CFAP54: variants seen among roughly 807,000 people sequenced by gnomAD.
The protein encoded by CFAP54 is cilia- and flagella-associated protein 54.
In CFAP54, 290 loss-of-function variants were observed where a neutral mutation model predicts 370.4. The ratio of observed to expected loss-of-function variants is 0.78; its 90% CI spans 0.71 to 0.86. The LOEUF (loss-of-function observed/expected upper bound fraction) is 0.86. CFAP54 is among the 40% of genes least tolerant of loss of function. The probability of loss-of-function intolerance (pLI) is 0.00; values close to 1 mark genes in which losing one functional copy is unlikely to be tolerated. For synonymous variants in CFAP54, 1,206 were observed against 1,236.5 expected (o/e 0.98, Z 0.52); for missense variants, 3,399 against 3,528.7 (o/e 0.96, Z 0.93).
At chr12:96,591,663 G>A (rs376850514) in intron 23 of CFAP54, among the ~76,000 whole-genome samples, 128 of 152,238 alleles carry the variant, frequency 8.4e-4, no homozygotes, top group African/African-American at 3.0e-3. Context: ...GCCGAGACGG[G>A]CGGATCACGA....
chr12:96,834,986 G>A (rs187973578), intron 66 of CFAP54, among the ~76,000 whole-genome samples: 4 of 152,250 alleles, frequency 2.6e-5, no homozygotes, highest in East Asian at 1.9e-4. Context: ...CTAGCAGAGA[G>A]GAGACCCTGG....
chr12:96,770,339 G>C (rs1592752016), intron 60 of CFAP54, among the ~76,000 whole-genome samples: 1 of 152,118 alleles, frequency 6.6e-6, no homozygotes, highest in Non-Finnish European at 1.5e-5. Flanking sequence ...TCCACTCAGA[G>C]ATTCATACAC....
chr12:96,681,595 T>C (rs934513951), intron 40 of CFAP54, among the ~76,000 whole-genome samples: 1 of 151,852 alleles, frequency 6.6e-6, no homozygotes, highest in African/African-American at 2.4e-5. Context: ...GGATGGAGTC[T>C]TGCTGTCTTG....
chr12:96,505,047 C>T (rs1955081686), intron 3 of CFAP54, among the ~76,000 whole-genome samples: 1 of 126,956 alleles, frequency 7.9e-6, no homozygotes, highest in African/African-American at 3.0e-5. Flanking sequence ...TCTTTTCTTC[C>T]TTTCTTCCTT....
In CFAP54 at chr12:96,720,516, C is replaced by A; in HGVS notation, c.6916C>A (p.Arg2306=). 1.3e-6 allele frequency: 2 copies of A among 1,591,882 alleles called. No individual in the cohort carries two copies. The highest frequency in any genetic ancestry group is 1.7e-6 in the Non-Finnish European group (2 of 1,166,846). ...CGAGCTGGAGATTGTGGTGGAGGCC[C>A]GGCTTCAGCTGGCTGCAGTTGCTCT... ...AGELEIVVEA[R]LQLAAVALQR... Residue 2306 remains arginine, a synonymous_variant, in exon 50 of 68, where the codon CGG becomes AGG. Transcript: ENST00000524981.
intron 57 of CFAP54, 118 bp downstream of exon 57, chr12:96,756,681 TCATGGGGTC>T: frequency 1.5e-6 from 1 of 678,664 alleles, no homozygotes; most frequent in South Asian, 1.8e-5. Context: ...CAGGGCTAGT[TCATGGGGTC>T]CATCTCAAGC....
chr12:96,581,920 C>A (rs1956036691), intron 22 of CFAP54, among the ~76,000 whole-genome samples: 1 of 152,068 alleles, frequency 6.6e-6, no homozygotes, highest in African/African-American at 2.4e-5. Flanking sequence ...ACTTTCCAGT[C>A]TTTTGCTATT....
At chr12:96,659,162 T>C (rs1956960560) in intron 38 of CFAP54, among the ~76,000 whole-genome samples, 1 of 152,206 alleles carries the variant, frequency 6.6e-6, no homozygotes, top group Non-Finnish European at 1.5e-5. Context: ...TACCTGGAGA[T>C]AGCATCAGAT....
At chr12:96,495,653 G>T (rs1414464505) in intron 1 of CFAP54, among the ~76,000 whole-genome samples, 3 of 151,776 alleles carry the variant, frequency 2.0e-5, no homozygotes, top group Non-Finnish European at 4.4e-5. Flanking sequence ...TACATATCTA[G>T]CAACAGTCAG....
At chr12:96,563,038 A>G (rs1391852807) in intron 17 of CFAP54, among the ~76,000 whole-genome samples, 1 of 152,210 alleles carries the variant, frequency 6.6e-6, no homozygotes, top group Admixed American at 6.5e-5. Flanking sequence ...TTTTTGTGTC[A>G]GGTTTTAAGA....
Position 96,651,759 on chromosome 12 carries a change from G to A in CFAP54, c.5044G>A (p.Gly1682Arg). The A allele has an allele frequency of 6.2e-7, 1 of 1,613,434 alleles. No homozygotes were observed. The highest frequency in any genetic ancestry group is 8.5e-7 in the Non-Finnish European group (1 of 1,179,456). The change falls in exon 36 of 68, where the codon GGA becomes AGA. Residue 1682 changes from glycine to arginine, a missense_variant. By Grantham distance (125) the Gly-to-Arg change is moderately radical. Coordinates refer to ENST00000524981, the MANE Select transcript of CFAP54 (RefSeq NM_001306084.2). The stretch of plus-strand genomic sequence containing the variant: ...CACCTCTGTTTTACCATTCTATTTG[G>A]GAGCAGAATTACTTATTGACATGTT... ...LCTSVLPFYL[G>R]AELLIDMLIQ...
intron 43 of CFAP54, among the ~76,000 whole-genome samples, chr12:96,690,713 T>C (rs1166820835): frequency 6.6e-6 from 1 of 152,166 alleles, no homozygotes; most frequent in African/African-American, 2.4e-5. Context: ...CTGCCATCGT[T>C]AGCTGTGTGA....
chr12:96,549,077 A>G (rs556299783), intron 15 of CFAP54, among the ~76,000 whole-genome samples: 26 of 152,206 alleles, frequency 1.7e-4, no homozygotes, highest in African/African-American at 6.3e-4. Flanking sequence ...GATGGTCTCG[A>G]TCTCCTGACC....
At chr12:96,674,336 CTTTTTTT>C (rs5800259) in intron 39 of CFAP54, among the ~76,000 whole-genome samples, 5,801 of 125,044 alleles carry the variant, frequency 0.046, 313 homozygotes, top group African/African-American at 0.13. Flanking sequence ...CAATGTTTTT[CTTTTTTT>C]TTTTTTTTTG....
intron 19 of CFAP54, among the ~76,000 whole-genome samples, chr12:96,575,847 T>G (rs933053031): frequency 2.6e-5 from 4 of 152,124 alleles, no homozygotes; most frequent in African/African-American, 9.6e-5. Context: ...TCTTTCTTTA[T>G]CAACACTTTA....
chr12:96,753,740 T>C lies in CFAP54; in HGVS notation c.7685-3T>C. On this transcript the variant is annotated splice_polypyrimidine_tract_variant and splice_region_variant and intron_variant, in intron 55 of 67. Coordinates refer to ENST00000524981, the MANE Select transcript of CFAP54 (RefSeq NM_001306084.2). ...CTTCCCCACCGAACTGTTTTTCTTTTAGGACATACAGTGGCCAAGCAAGTA... is the reference window on the plus strand; with the variant it reads ...CTTCCCCACCGAACTGTTTTTCTTTCAGGACATACAGTGGCCAAGCAAGTA... The C allele has an allele frequency of 1.2e-6, 2 of 1,611,766 alleles. No individual in the cohort carries two copies. Among genetic ancestry groups the C allele is most frequent in the Non-Finnish European group, 1.7e-6 (2 of 1,178,780 alleles).
At chr12:96,727,273 A>G (rs1157909209) in intron 50 of CFAP54, among the ~76,000 whole-genome samples, 2 of 151,720 alleles carry the variant, frequency 1.3e-5, no homozygotes, top group Non-Finnish European at 1.5e-5. Flanking sequence ...GTTGACAGTG[A>G]GATGTTAAAG....
rs12317593 is a variant in CFAP54, at chr12:96,636,682, G to A, written c.4316+6031G>A. 2.4e-3 allele frequency among the ~76,000 whole-genome samples: 361 copies of A among 152,130 alleles called. 1 individual carries two copies. The highest frequency in any genetic ancestry group is 8.3e-3 in the African/African-American group (345 of 41,472). On this transcript the variant is annotated intron_variant, in intron 32 of 67. Coordinates refer to ENST00000524981, the MANE Select transcript of CFAP54 (RefSeq NM_001306084.2). Reference sequence around the variant, plus strand: ...TTAAAAAACAGCTTTATTGGCAGGCGTGGTGGCTCATGCTTGTAATCCCAG... The same window carrying A: ...TTAAAAAACAGCTTTATTGGCAGGCATGGTGGCTCATGCTTGTAATCCCAG...
chr12:96,727,107 A>G (rs1404682033), intron 50 of CFAP54, among the ~76,000 whole-genome samples: 4 of 151,918 alleles, frequency 2.6e-5, no homozygotes, highest in Admixed American at 6.6e-5. Context: ...TATGTGGTCA[A>G]TTTTGGAATA....
Sources: gnomAD v4.1 joint callset for allele counts (sites outside exome capture counted in the v4.1 genomes callset) on GRCh38, gnomAD v4.1.1 for gene constraint, MANE v1.5 for transcripts, NCBI Gene and HGNC (gene_info 2026-07-23, HGNC 2026-07-21) for gene names.